The following EPHA7 variants were observed in gnomAD, a reference collection of about 807,000 sequenced individuals.
EPHA7 encodes the protein ephrin type-A receptor 7.
A neutral mutation model predicts 112.6 loss-of-function variants in EPHA7; 25 were observed. That is an observed-to-expected ratio of 0.22 (90% CI 0.16 to 0.31). EPHA7 has a LOEUF of 0.31. Among genes scored for constraint, EPHA7 ranks in the 10% least tolerant of loss-of-function variants. The pLI is 1.00. For missense variants in EPHA7, 962 were observed against 1,212.6 expected (o/e 0.79, Z 3.07); for synonymous variants, 437 against 406.5 (o/e 1.07, Z -0.90).
intron 3 of EPHA7, among the ~76,000 whole-genome samples, chr6:93,402,947 G>A (rs1006004771): frequency 4.6e-5 from 7 of 152,006 alleles, no homozygotes; most frequent in African/African-American, 1.7e-4. Flanking sequence ...GAGAAGAAAA[G>A]GGAGAAATTG....
At chr6:93,252,426 C>T (rs1770256734) in intron 14 of EPHA7, among the ~76,000 whole-genome samples, 2 of 87,072 alleles carry the variant, frequency 2.3e-5, no homozygotes, top group African/African-American at 3.1e-5. Flanking sequence ...GGAAGGCAAC[C>T]TTCCCAGAAA....
At chr6:93,392,414 T>C (rs1387060126) in intron 3 of EPHA7, among the ~76,000 whole-genome samples, 3 of 151,934 alleles carry the variant, frequency 2.0e-5, no homozygotes, top group Non-Finnish European at 2.9e-5. Context: ...GTATAGGAAC[T>C]ACTGATTTAT....
intron 5 of EPHA7, among the ~76,000 whole-genome samples, chr6:93,326,069 C>T (rs1562098303): frequency 6.6e-6 from 1 of 151,306 alleles, no homozygotes; most frequent in Non-Finnish European, 1.5e-5. Context: ...ACATTAGTTA[C>T]ATAGCAGATA....
chr6:93,290,835 A>G (rs1772321945), intron 5 of EPHA7, among the ~76,000 whole-genome samples: 1 of 152,196 alleles, frequency 6.6e-6, no homozygotes, highest in East Asian at 1.9e-4. Flanking sequence ...TTTGTGGCCC[A>G]GCAAAAGTCA....
chr6:93,271,225 A>T (rs1394663887), intron 6 of EPHA7, among the ~76,000 whole-genome samples: 3 of 151,864 alleles, frequency 2.0e-5, no homozygotes, highest in African/African-American at 7.2e-5. Flanking sequence ...ACAAGCAAAA[A>T]TATTTTAAAC....
At chr6:93,272,945 T>C (rs1048442803) in intron 5 of EPHA7, among the ~76,000 whole-genome samples, 12 of 151,868 alleles carry the variant, frequency 7.9e-5, no homozygotes, top group African/African-American at 2.7e-4. Context: ...CCAAACAACT[T>C]TGGAAAACAT....
chr6:93,275,910 C>T (rs956509326), intron 5 of EPHA7, among the ~76,000 whole-genome samples: 4 of 151,846 alleles, frequency 2.6e-5, no homozygotes, highest in Non-Finnish European at 5.9e-5. Flanking sequence ...TTACAAAACA[C>T]GTATTTAAAT....
At chr6:93,289,623 CAAAAAAAT>C (rs1042083037) in intron 5 of EPHA7, among the ~76,000 whole-genome samples, 3 of 150,682 alleles carry the variant, frequency 2.0e-5, no homozygotes, top group Non-Finnish European at 4.4e-5. Flanking sequence ...GACTCCATCT[CAAAAAAAT>C]AAAAAAATAA....
chr6:93,413,133 G>T (rs908863112), intron 2 of EPHA7, among the ~76,000 whole-genome samples: 1 of 151,774 alleles, frequency 6.6e-6, no homozygotes, highest in Non-Finnish European at 1.5e-5. Context: ...TTTATAGTAC[G>T]TTTATAGAAA....
At chr6:93,288,086 C>T (rs1377605434) in intron 5 of EPHA7, among the ~76,000 whole-genome samples, 1 of 151,992 alleles carries the variant, frequency 6.6e-6, no homozygotes, top group Non-Finnish European at 1.5e-5. Context: ...AGTTATCTAC[C>T]CGCAAGAAAT....
At chr6:93,415,095 T>C (rs1327658224) in intron 1 of EPHA7, among the ~76,000 whole-genome samples, 3 of 152,002 alleles carry the variant, frequency 2.0e-5, no homozygotes, top group South Asian at 2.1e-4. Flanking sequence ...TTGTAAACCA[T>C]TGAGCTGTTC....
chr6:93,314,866 T>TA (rs1773718910), intron 5 of EPHA7, among the ~76,000 whole-genome samples: 1 of 140,158 alleles, frequency 7.1e-6, no homozygotes, highest in African/African-American at 2.7e-5. Flanking sequence ...TTCTTTTTTT[T>TA]TTTTTTTTTT....
intron 3 of EPHA7, among the ~76,000 whole-genome samples, chr6:93,383,938 T>A (rs1231911188): frequency 6.6e-6 from 1 of 152,112 alleles, no homozygotes; most frequent in Non-Finnish European, 1.5e-5. Context: ...TCCTCCTGCC[T>A]CAGCCCCGCA....
intron 2 of EPHA7, among the ~76,000 whole-genome samples, chr6:93,413,655 A>T (rs1345037959): frequency 6.6e-6 from 1 of 151,948 alleles, no homozygotes; most frequent in African/African-American, 2.4e-5. Context: ...ATAATTTATC[A>T]TAACCAATAC....
intron 3 of EPHA7, among the ~76,000 whole-genome samples, chr6:93,400,295 T>G (rs1778377012): frequency 6.6e-6 from 1 of 152,080 alleles, no homozygotes. Flanking sequence ...TAGCAAATAA[T>G]GATAGTAAAC....
At chr6:93,411,268 T>C in intron 2 of EPHA7, 98 bp from the exon 3 acceptor site, 2 of 959,482 alleles carry the variant, frequency 2.1e-6, no homozygotes. Context: ...TTCGAAAAAG[T>C]TAGGTTGATT....
chr6:93,361,495 G>C (rs1013450070), intron 3 of EPHA7, among the ~76,000 whole-genome samples: 3 of 151,982 alleles, frequency 2.0e-5, no homozygotes, highest in Admixed American at 2.0e-4. Flanking sequence ...GAAATACTTA[G>C]AGTTAAATAC....
chr6:93,280,676 CCTCT>C (rs1044365320), intron 5 of EPHA7, among the ~76,000 whole-genome samples: 2 of 152,040 alleles, frequency 1.3e-5, no homozygotes, highest in African/African-American at 4.8e-5. Context: ...GAAAATTGAA[CCTCT>C]CTGTGTCTCA....
chr6:93,264,577 AC>A lies in EPHA7; in HGVS notation c.1742+16del, dbSNP rs1313168101. On this transcript the variant is annotated intron_variant, in intron 8 of 16. Coordinates refer to ENST00000369303, the MANE Select transcript of EPHA7 (RefSeq NM_004440.4). ...AATACATTTTATGTTAGAGATTAGAACAACTTTGTGTTCTACCTTCTCCCAA... is the reference window on the plus strand; with the variant it reads ...AATACATTTTATGTTAGAGATTAGAAAACTTTGTGTTCTACCTTCTCCCAA... The A allele has an allele frequency of 1.3e-6, 2 of 1,519,304 alleles. No individual in the cohort carries two copies. Among genetic ancestry groups the A allele is most frequent in the Non-Finnish European group, 1.8e-6 (2 of 1,101,346 alleles). 94.1% of individuals were successfully genotyped at this position (1,519,304 alleles called of 1,614,324 possible).
Sources: gnomAD v4.1 joint callset for allele counts (sites outside exome capture counted in the v4.1 genomes callset) on GRCh38, gnomAD v4.1.1 for gene constraint, MANE v1.5 for transcripts, NCBI Gene and HGNC (gene_info 2026-07-23, HGNC 2026-07-21) for gene names.